Variants in POLE2 observed in about 807,000 individuals in gnomAD.
The protein encoded by POLE2 is DNA polymerase epsilon 2, accessory subunit.
Under a neutral mutation model 79.4 loss-of-function variants are expected in POLE2, and 56 were observed. The observed-to-expected ratio is 0.71, with a 90% CI of 0.57 to 0.88. The LOEUF is 0.88. POLE2 is among the 40% of genes least tolerant of loss of function. POLE2 has a pLI of 0.00. For synonymous variants in POLE2, 212 were observed against 214.0 expected (o/e 0.99, Z 0.08); for missense variants, 598 against 638.9 (o/e 0.94, Z 0.69).
intron 13 of POLE2, 25 bp downstream of exon 13, chr14:49,654,759 A>C: frequency 6.8e-7 from 1 of 1,464,112 alleles, no homozygotes; most frequent in Non-Finnish European, 9.0e-7. Flanking sequence ...ACGGTGAAAA[A>C]ATATATAGTG....
intron 18 of POLE2, among the ~76,000 whole-genome samples, chr14:49,646,252 A>C (rs959208884): frequency 2.0e-5 from 3 of 150,602 alleles, no homozygotes; most frequent in Non-Finnish European, 4.4e-5. Context: ...ATATTCTCTG[A>C]CAATAACCTG....
At chr14:49,660,394 G>GT (rs955972923) in intron 10 of POLE2, among the ~76,000 whole-genome samples, 2 of 151,346 alleles carry the variant, frequency 1.3e-5, no homozygotes, top group African/African-American at 2.4e-5. Context: ...AATGTTAACA[G>GT]TTTTTTTCTG....
chr14:49,677,483 GC>G, intron 3 of POLE2: 1 of 476,904 alleles, frequency 2.1e-6, no homozygotes. Flanking sequence ...ACACTTGGAT[GC>G]CATGAATCAA....
rs761190514 is a variant in POLE2, at chr14:49,688,207, T to G, written c.-4A>C. 3.3e-6 allele frequency: 5 copies of G among 1,525,194 alleles called. No homozygotes were observed. The highest frequency in any genetic ancestry group is 3.5e-6 in the Non-Finnish European group (4 of 1,138,354). 94.5% of individuals were successfully genotyped at this position (1,525,194 alleles called of 1,614,324 possible). A position where few individuals can be genotyped will look rare whatever the true frequency, so the allele number is the denominator to read the frequency against. On this transcript the variant is annotated 5_prime_UTR_variant, in exon 1 of 19. Transcript: ENST00000216367. ...TCCGCAGCCGCTCCGGCGCCATATT[T>G]GCGATTTGGCGCCACCGCCGCAGCT...
Position 49,660,852 on chromosome 14 carries a change from T to C in POLE2, c.755+2463A>G, listed in dbSNP as rs372568889. Among the ~76,000 whole-genome samples, 536 of 152,268 alleles carry C rather than the reference T, an allele frequency of 3.5e-3. 6 individuals carry two copies. Among genetic ancestry groups the C allele is most frequent in the South Asian group, 6.2e-3 (30 of 4,830 alleles). On this transcript the variant is annotated intron_variant, in intron 10 of 18. Transcript: ENST00000216367. ...GTTGTGGTGAGCCAAGATGGTGCCA[T>C]TGCACTCCAGCCTGGGCAACAAGAG...
At chr14:49,683,809 G>T in intron 1 of POLE2, 116 bp from the exon 2 acceptor site, 1 of 581,190 alleles carries the variant, frequency 1.7e-6, no homozygotes. Flanking sequence ...ACCACTAACT[G>T]CTCTCTTCAA....
intron 18 of POLE2, among the ~76,000 whole-genome samples, chr14:49,646,222 A>C (rs970329433): frequency 6.6e-6 from 1 of 151,550 alleles, no homozygotes; most frequent in South Asian, 2.1e-4. Flanking sequence ...GAAAAAGACA[A>C]CTGGGCTGTG....
chr14:49,675,226 A>G (rs1045155622), intron 3 of POLE2, among the ~76,000 whole-genome samples: 3 of 152,030 alleles, frequency 2.0e-5, no homozygotes, highest in Non-Finnish European at 4.4e-5. Context: ...GTGGGATTAC[A>G]GGCATGCACC....
At position 49,655,810 on chromosome 14, in the gene POLE2, A is replaced by C; in HGVS notation, c.789T>G (p.Gly263=). The C allele has an allele frequency of 6.3e-7, 1 of 1,575,398 alleles. No homozygotes were observed. Among genetic ancestry groups the C allele is most frequent in the Non-Finnish European group, 8.7e-7 (1 of 1,152,684 alleles). ...AYYGNINFFG[G]PSNTSVKTSA... ...AAGTCTTCACAGATGTATTAGAAGG[A>C]CCTCCAAAAAAATTAATATTTCCAT... is the stretch of plus-strand genomic sequence containing the variant. The change falls in exon 11 of 19, where the codon GGT becomes GGG. Residue 263 remains glycine, a synonymous_variant. Transcript: ENST00000216367.
In POLE2 at chr14:49,655,034, T is replaced by C. The variant is rs1884550464; in HGVS notation, c.989A>G (p.Tyr330Cys). ...CAAAGCTTGAACTTGATTTTTTCCA[T>C]ATGGTGCAGATGAAAAATTACCACA... is the stretch of plus-strand genomic sequence containing the variant. ...ILCGNFSSAPYGKNQVQALKD... is the reference protein window; with the variant it reads ...ILCGNFSSAPCGKNQVQALKD... The change falls in exon 12 of 19, where the codon TAT (tyrosine) becomes TGT (cysteine). Residue 330 changes from tyrosine (Y) to cysteine (C), a missense_variant. By Grantham distance (194) the Tyr-to-Cys change is radical. Coordinates refer to ENST00000216367, the MANE Select transcript of POLE2 (RefSeq NM_002692.4). 6.3e-7 allele frequency: 1 copy of C among 1,581,140 alleles called. No homozygotes were observed. The highest frequency in any genetic ancestry group is 8.6e-7 in the Non-Finnish European group (1 of 1,162,552).
At chr14:49,651,754 A>C (rs1249207990) in intron 15 of POLE2, among the ~76,000 whole-genome samples, 2 of 152,202 alleles carry the variant, frequency 1.3e-5, no homozygotes, top group Non-Finnish European at 2.9e-5. Context: ...AGAGCCTAGA[A>C]GGCGGGCATA....
chr14:49,668,859 G>A (rs1382356412), intron 6 of POLE2, among the ~76,000 whole-genome samples: 1 of 152,076 alleles, frequency 6.6e-6, no homozygotes, highest in African/African-American at 2.4e-5. Flanking sequence ...GGAGTACAGT[G>A]GCATGATCTC....
At chr14:49,644,800 G>T (rs1421347350) in intron 18 of POLE2, among the ~76,000 whole-genome samples, 1 of 152,018 alleles carries the variant, frequency 6.6e-6, no homozygotes, top group Non-Finnish European at 1.5e-5. Flanking sequence ...AGCCACTTTG[G>T]GAGGCCAAGA....
At chr14:49,677,994 ATTTAT>A (rs1886410824) in intron 3 of POLE2, 6 of 169,030 alleles carry the variant, frequency 3.5e-5, no homozygotes, top group East Asian at 1.3e-4. Context: ...ATTTTATTTT[ATTTAT>A]TTTATTTTTT....
At chr14:49,668,400 G>A (rs556242696) in intron 6 of POLE2, among the ~76,000 whole-genome samples, 1 of 151,170 alleles carries the variant, frequency 6.6e-6, no homozygotes, top group South Asian at 2.1e-4. Context: ...ATCACTTGAG[G>A]CCAGGAGTTC....
At position 49,663,330 on chromosome 14, in the gene POLE2, G is replaced by A; in HGVS notation, c.740C>T (p.Pro247Leu). Residue 247 changes from proline to leucine, a missense_variant, in exon 10 of 19, where the codon CCC (proline) becomes CTC (leucine). By Grantham distance (98) the Pro-to-Leu change is moderately conservative. Coordinates refer to ENST00000216367, the MANE Select transcript of POLE2 (RefSeq NM_002692.4). ...VNAFGFPPTEPSSTTRAYYGN... is the reference protein window; with the variant it reads ...VNAFGFPPTELSSTTRAYYGN... ...ATTTTAATACCTAGTAGTACTAGAG[G>A]GCTCAGTGGGTGGAAATCCAAAGGC... 2.5e-6 allele frequency: 4 copies of A among 1,601,770 alleles called. No homozygotes were observed. Among genetic ancestry groups the A allele is most frequent in the African/African-American group, 1.3e-5 (1 of 74,718 alleles).
chr14:49,682,235 C>G (rs1886767396), intron 2 of POLE2, among the ~76,000 whole-genome samples: 1 of 151,422 alleles, frequency 6.6e-6, no homozygotes, highest in Admixed American at 6.6e-5. Context: ...AACTCCTGAA[C>G]TCAGGCGTTC....
At chr14:49,680,192 A>C (rs576083326) in intron 2 of POLE2, among the ~76,000 whole-genome samples, 6 of 152,248 alleles carry the variant, frequency 3.9e-5, no homozygotes, top group African/African-American at 1.4e-4. Context: ...TCTACAAAAA[A>C]TATAAAACTT....
chr14:49,653,560 T>C (rs1036496280), intron 15 of POLE2, among the ~76,000 whole-genome samples: 1 of 152,246 alleles, frequency 6.6e-6, no homozygotes, highest in Admixed American at 6.5e-5. Flanking sequence ...AATTTTCTTC[T>C]TATATTTATT....
Sources: allele counts gnomAD v4.1 joint callset (sites outside exome capture counted in the v4.1 genomes callset), GRCh38; gene constraint gnomAD v4.1.1; transcripts MANE v1.5; gene names NCBI Gene and HGNC (gene_info 2026-07-23, HGNC 2026-07-21).